PTPRD: variants seen among roughly 807,000 people sequenced by gnomAD.
PTPRD encodes protein tyrosine phosphatase receptor type D.
Under a neutral mutation model 214.5 loss-of-function variants are expected in PTPRD, and 34 were observed. The ratio of observed to expected loss-of-function variants is 0.16; its 90% CI spans 0.12 to 0.21. The LOEUF (loss-of-function observed/expected upper bound fraction) is 0.21. Among genes scored for constraint, PTPRD ranks in the 10% least tolerant of loss-of-function variants. The pLI, the probability that PTPRD is intolerant of heterozygous loss-of-function variation, is 1.00. For synonymous variants in PTPRD, 1,128 were observed against 845.7 expected (o/e 1.33, Z -5.79); for missense variants, 2,545 against 2,398.7 (o/e 1.06, Z -1.27).
chr9:10,293,237 T>C lies in PTPRD; in HGVS notation c.-545+47726A>G, dbSNP rs1230489891. ...GAAAGTTCAAGAAAAAATATTGGGG[T>C]TTTCCTGAAAGAGGTATAGAAAAAA... On this transcript the variant is annotated intron_variant, in intron 3 of 45. Coordinates refer to ENST00000381196, the MANE Select transcript of PTPRD (RefSeq NM_002839.4). Among the ~76,000 whole-genome samples the C allele has an allele frequency of 2.6e-5, 4 of 151,704 alleles. No individual in the cohort carries two copies. The East Asian group carries it at 7.7e-4, about 29-fold the overall frequency.
At chr9:9,782,322 A>G (rs893199370) in intron 5 of PTPRD, among the ~76,000 whole-genome samples, 2 of 152,176 alleles carry the variant, frequency 1.3e-5, no homozygotes, top group African/African-American at 2.4e-5. Context: ...AATGCCGATG[A>G]GATTAAGATT....
intron 8 of PTPRD, among the ~76,000 whole-genome samples, chr9:9,518,335 C>T (rs116731564): frequency 0.021 from 3,177 of 152,070 alleles, 129 homozygotes; most frequent in African/African-American, 0.071. Flanking sequence ...CTTTTTTAGG[C>T]TACGGGAAGA....
At chr9:8,820,307 C>T (rs1050122863) in intron 11 of PTPRD, among the ~76,000 whole-genome samples, 2 of 152,080 alleles carry the variant, frequency 1.3e-5, no homozygotes, top group African/African-American at 4.8e-5. Flanking sequence ...GGCAGAGCTA[C>T]TTACTGTACT....
At chr9:8,341,305 C>G (rs2132449587) in intron 40 of PTPRD, 37 bp from the exon 41 acceptor site, 2 of 1,540,758 alleles carry the variant, frequency 1.3e-6, no homozygotes, top group Admixed American at 2.2e-5. Flanking sequence ...AAAAACCCAA[C>G]AAAGATCATT....
Position 9,932,066 on chromosome 9 carries a change from A to C in PTPRD, c.-368+6441T>G, listed in dbSNP as rs1393204998. ...AAACAGAAAGGACATCCACACCAAA[A>C]ACCCATCTGTACATCACCATCATCA... On this transcript the variant is annotated intron_variant, in intron 5 of 45. Transcript: ENST00000381196. Among the ~76,000 whole-genome samples, 4 of 150,266 alleles carry C rather than the reference A, an allele frequency of 2.7e-5. No individual in the cohort carries two copies. In the East Asian group the frequency reaches 7.9e-4, roughly 30 times the overall value.
intron 10 of PTPRD, among the ~76,000 whole-genome samples, chr9:9,107,814 G>A (rs2099800795): frequency 6.6e-6 from 1 of 152,066 alleles, no homozygotes; most frequent in South Asian, 2.1e-4. Flanking sequence ...TCACCTTCAG[G>A]ATTGATGACT....
intron 14 of PTPRD, among the ~76,000 whole-genome samples, chr9:8,554,655 AAATAC>A (rs2083174324): frequency 6.6e-6 from 1 of 152,198 alleles, no homozygotes; most frequent in Non-Finnish European, 1.5e-5. Context: ...GTATAAACAG[AAATAC>A]AATTTTATAA....
intron 8 of PTPRD, among the ~76,000 whole-genome samples, chr9:9,525,429 A>T (rs181634404): frequency 6.6e-5 from 10 of 152,272 alleles, no homozygotes; most frequent in African/African-American, 1.7e-4. Context: ...TAAAACTTTT[A>T]AAAAAAGTAA....
intron 14 of PTPRD, among the ~76,000 whole-genome samples, chr9:8,593,203 C>A (rs951283630): frequency 3.3e-5 from 5 of 152,126 alleles, no homozygotes; most frequent in African/African-American, 1.2e-4. Context: ...GAAAAAAGAC[C>A]TTGCTTGAGG....
chr9:9,891,041 A>G (rs1175784411), intron 5 of PTPRD, among the ~76,000 whole-genome samples: 2 of 152,142 alleles, frequency 1.3e-5, no homozygotes, highest in African/African-American at 4.8e-5. Flanking sequence ...AAAAACCTTC[A>G]TGGAAGCTAA....
chr9:10,076,923 G>A (rs757605796), intron 3 of PTPRD, among the ~76,000 whole-genome samples: 1 of 152,096 alleles, frequency 6.6e-6, no homozygotes, highest in East Asian at 1.9e-4. Flanking sequence ...CAGCACCAAT[G>A]ATTCTTTCAT....
At position 9,567,976 on chromosome 9, in the gene PTPRD, C is replaced by T. The variant is rs553915286; in HGVS notation, c.-237+6756G>A. Among the ~76,000 whole-genome samples the T allele has an allele frequency of 2.0e-5, 3 of 151,414 alleles. No homozygotes were observed. In the East Asian group the frequency reaches 5.8e-4, roughly 29 times the overall value. On this transcript the variant is annotated intron_variant, in intron 8 of 45. Coordinates refer to ENST00000381196, the MANE Select transcript of PTPRD (RefSeq NM_002839.4). Reference sequence around the variant, plus strand: ...TTTTTTTTCTACTGGGTATCTCGTGCCTAGATATGTAACCTATAATTACGG... The same window carrying T: ...TTTTTTTTCTACTGGGTATCTCGTGTCTAGATATGTAACCTATAATTACGG...
chr9:8,464,905 G>C (rs1488723319), intron 32 of PTPRD, among the ~76,000 whole-genome samples: 4 of 151,846 alleles, frequency 2.6e-5, no homozygotes. Flanking sequence ...AGAGGCTGCT[G>C]TATTTGCCTC....
intron 6 of PTPRD, among the ~76,000 whole-genome samples, chr9:9,744,975 C>A (rs992517106): frequency 1.3e-5 from 2 of 152,024 alleles, no homozygotes; most frequent in Non-Finnish European, 2.9e-5. Context: ...TTTCTTGAAT[C>A]TCATTTCCAT....
intron 34 of PTPRD, among the ~76,000 whole-genome samples, chr9:8,441,868 C>T (rs546984608): frequency 1.3e-5 from 2 of 152,180 alleles, no homozygotes; most frequent in Non-Finnish European, 2.9e-5. Flanking sequence ...CCCGTACACT[C>T]TCATTTAGCA....
chr9:8,993,090 C>G (rs1024102522), intron 11 of PTPRD, among the ~76,000 whole-genome samples: 1 of 151,828 alleles, frequency 6.6e-6, no homozygotes, highest in African/African-American at 2.4e-5. Flanking sequence ...TCTCAGAAAT[C>G]AATCAGAGGA....
rs1555454529 is a variant in PTPRD, at chr9:10,512,028, A to ACG, written c.-600+100369_-600+100370insCG. Among the ~76,000 whole-genome samples the ACG allele has an allele frequency of 3.5e-3, 261 of 74,436 alleles. 2 individuals carry two copies. Among genetic ancestry groups the ACG allele is most frequent in the Non-Finnish European group, 5.1e-3 (212 of 41,250 alleles). 48.8% of individuals were successfully genotyped at this position (74,436 alleles called of 152,430 possible). On this transcript the variant is annotated intron_variant, in intron 2 of 45. Coordinates refer to ENST00000381196, the MANE Select transcript of PTPRD (RefSeq NM_002839.4). ...TATATATACGTGTGTGTATATATAT[A>ACG]TGTATATATATATATACACACACGT...
intron 31 of PTPRD, among the ~76,000 whole-genome samples, chr9:8,470,645 AG>A (rs2096634961): frequency 6.6e-6 from 1 of 152,116 alleles, no homozygotes; most frequent in Non-Finnish European, 1.5e-5. Flanking sequence ...GCACTAATGA[AG>A]GGGACCTTGG....
chr9:10,367,677 T>G (rs1598269386), intron 2 of PTPRD, among the ~76,000 whole-genome samples: 1 of 152,156 alleles, frequency 6.6e-6, no homozygotes, highest in Admixed American at 6.6e-5. Context: ...GAAGCTGTTC[T>G]CACTTGCCAC....
Sources: allele counts gnomAD v4.1 joint callset (sites outside exome capture counted in the v4.1 genomes callset), GRCh38; gene constraint gnomAD v4.1.1; transcripts MANE v1.5; gene names NCBI Gene and HGNC (gene_info 2026-07-23, HGNC 2026-07-21).